The following CST9L variants were observed in gnomAD, a reference collection of about 807,000 sequenced individuals.
The protein encoded by CST9L is cystatin 9 like.
CST9L carries 17 observed loss-of-function variants against 13.2 expected under a neutral mutation model. The ratio of observed to expected loss-of-function variants is 1.29; its 90% confidence interval spans 0.88 to 1.93. The LOEUF (loss-of-function observed/expected upper bound fraction) is 1.93. Among genes scored for constraint, CST9L ranks in the 30% most tolerant of loss-of-function variants. CST9L has a pLI of 0.00. For missense variants in CST9L, 170 were observed against 170.5 expected, an observed-to-expected ratio of 1.00 and a Z score of 0.02; for synonymous variants, 78 against 69.1, an observed-to-expected ratio of 1.13 and a Z score of -0.64.
rs755170627 is a variant in CST9L, at chr20:23,565,055, G to A, written c.355-18C>T. The A allele has an allele frequency of 6.3e-7, 1 of 1,586,156 alleles. No homozygotes were observed. ...GTGAAAGTCTGAGAGAACAAGCACA[G>A]GAAGGGACAGTGGGTGAGGGAGGCT... On this transcript the variant is annotated intron_variant, in intron 2 of 2. Transcript: ENST00000376979.
In CST9L at chr20:23,568,257, T is replaced by C; in HGVS notation, c.194A>G (p.Tyr65Cys). ...GATGTGCCCCAGTCTGTAGGCATAG[T>C]AGTCCTTGCTCTGTTGGTTGAATGT... ...VHTFNQQSKD[Y>C]YAYRLGHILN... Residue 65 changes from tyrosine (Y) to cysteine (C), a missense_variant, in exon 1 of 3, where the codon TAC (tyrosine) becomes TGC (cysteine). By Grantham distance (194) the Tyr-to-Cys change is radical. Coordinates refer to ENST00000376979, the MANE Select transcript of CST9L (RefSeq NM_080610.3). 1 of 1,614,146 alleles carries C rather than the reference T, an allele frequency of 6.2e-7. No homozygotes were observed.
At chr20:23,567,769 G>T (rs1198838662) in intron 1 of CST9L, among the ~76,000 whole-genome samples, 1 of 151,934 alleles carries the variant, frequency 6.6e-6, no homozygotes, top group Non-Finnish European at 1.5e-5. Context: ...ACTGGTGGGG[G>T]TTTCTTATTG....
intron 2 of CST9L, among the ~76,000 whole-genome samples, chr20:23,565,563 G>A (rs1363805822): frequency 2.6e-5 from 4 of 152,148 alleles, no homozygotes; most frequent in African/African-American, 9.7e-5. Flanking sequence ...GGGTCTAGGG[G>A]AGGGTAAGGA....
intron 2 of CST9L, 45 bp from the exon 3 acceptor site, chr20:23,565,082 A>C: frequency 5.1e-6 from 7 of 1,379,596 alleles, no homozygotes; most frequent in Non-Finnish European, 5.2e-6. Flanking sequence ...AGGGAGGCTC[A>C]GGAAGCTCAT....
rs45620935 is a variant in CST9L, at chr20:23,568,146, C to G, written c.240+65G>C. The G allele has an allele frequency of 7.7e-4, 1,215 of 1,581,694 alleles. 2 individuals carry two copies. Among genetic ancestry groups the G allele is most frequent in the Non-Finnish European group, 8.2e-4 (942 of 1,152,980 alleles). ...TCAATAAGACCCCCTGTCCCCACCCCACTCCCATTTTTCACTGAGCAGCAC... is the reference window on the plus strand; with the variant it reads ...TCAATAAGACCCCCTGTCCCCACCCGACTCCCATTTTTCACTGAGCAGCAC... On this transcript the variant is annotated intron_variant, in intron 1 of 2. Transcript: ENST00000376979.
chr20:23,566,650 C>T (rs1989099803), intron 1 of CST9L, among the ~76,000 whole-genome samples: 1 of 152,162 alleles, frequency 6.6e-6, no homozygotes, highest in African/African-American at 2.4e-5. Context: ...CTTTTGGAGG[C>T]TGGGGTGGGT....
chr20:23,567,871 T>C (rs1019354627), intron 1 of CST9L, among the ~76,000 whole-genome samples: 3 of 152,224 alleles, frequency 2.0e-5, no homozygotes, highest in Admixed American at 6.5e-5. Flanking sequence ...TCAATTTCTC[T>C]CTATTCACAT....
At position 23,568,069 on chromosome 20, in the gene CST9L, A is replaced by G. The variant is rs910214895; in HGVS notation, c.240+142T>C. The G allele has an allele frequency of 5.2e-6, 4 of 774,398 alleles. No individual in the cohort carries two copies. The African/African-American group carries it at 5.2e-5, about 10-fold the overall frequency. The allele number at this position is 774,398 out of a possible 1,614,324, so 48.0% of individuals were successfully genotyped here. On this transcript the variant is annotated intron_variant, in intron 1 of 2. Coordinates refer to ENST00000376979, the MANE Select transcript of CST9L (RefSeq NM_080610.3). ...ATGTTTTCAAAATCAAAAACTAACTAAACTACCTTGTATTTTCTTAAGTAT... is the reference window on the plus strand; with the variant it reads ...ATGTTTTCAAAATCAAAAACTAACTGAACTACCTTGTATTTTCTTAAGTAT...
Position 23,568,399 on chromosome 20 carries a change from G to A in CST9L, c.52C>T (p.Leu18Phe), listed in dbSNP as rs1213026066. ...GGLSWALLLL[L>F]LGSQILLIYA... is the part of the protein sequence containing the mutation. ...ATCAGCAGGATCTGGGAGCCTAAGA[G>A]AAGCAGCAGCAGCGCCCAGGACAGA... The change falls in exon 1 of 3, where the codon CTC (leucine) becomes TTC (phenylalanine). Residue 18 changes from leucine (L) to phenylalanine (F), a missense_variant. Coordinates refer to ENST00000376979, the MANE Select transcript of CST9L (RefSeq NM_080610.3). 6.2e-7 allele frequency: 1 copy of A among 1,614,092 alleles called. No homozygotes were observed. The highest frequency in any genetic ancestry group is 8.5e-7 in the Non-Finnish European group (1 of 1,180,042).
chr20:23,567,692 C>T (rs1346788647), intron 1 of CST9L, among the ~76,000 whole-genome samples: 1 of 152,116 alleles, frequency 6.6e-6, no homozygotes, highest in Non-Finnish European at 1.5e-5. Flanking sequence ...TAAGTGCAGA[C>T]ACACCAAGGA....
At chr20:23,565,864 G>A (rs1489919041) in intron 2 of CST9L, 110 bp downstream of exon 2, 6 of 757,070 alleles carry the variant, frequency 7.9e-6, no homozygotes, top group Admixed American at 3.5e-5. Flanking sequence ...GGTAGAGGCT[G>A]CTGCAGGCTC....
intron 1 of CST9L, among the ~76,000 whole-genome samples, chr20:23,567,341 C>G (rs1989112223): frequency 1.3e-5 from 2 of 151,926 alleles, no homozygotes; most frequent in South Asian, 4.2e-4. Flanking sequence ...AACCCTGTCT[C>G]TACTAAAAAT....
In CST9L at chr20:23,566,077, T is replaced by C. The variant is rs777898227; in HGVS notation, c.251A>G (p.Lys84Arg). Reference sequence around the variant, plus strand: ...CAGTAGCTCCATTGAGAATACAGTCTTGGACTCCACCTATTGCACACAGAG... The same window carrying C: ...CAGTAGCTCCATTGAGAATACAGTCCTGGACTCCACCTATTGCACACAGAG... ...LNSWKEQVES[K>R]TVFSMELLLG... is the part of the protein sequence containing the mutation. Residue 84 changes from lysine to arginine, a missense_variant, in exon 2 of 3, where the codon AAG (lysine) becomes AGG (arginine). Lys to Arg is a conservative substitution (Grantham distance 26). Transcript: ENST00000376979. 3.2e-6 allele frequency: 5 copies of C among 1,584,138 alleles called. No individual in the cohort carries two copies. In the Admixed American group the frequency reaches 8.3e-5, roughly 26 times the overall value.
chr20:23,567,556 T>C lies in CST9L; in HGVS notation c.240+655A>G, dbSNP rs956620448. On this transcript the variant is annotated intron_variant, in intron 1 of 2. Coordinates refer to ENST00000376979, the MANE Select transcript of CST9L (RefSeq NM_080610.3). Reference sequence around the variant, plus strand: ...CTCAACTTGGTGACTATTTTCATTGTTCATGCCTACAGCACAGATGAACTG... The same window carrying C: ...CTCAACTTGGTGACTATTTTCATTGCTCATGCCTACAGCACAGATGAACTG... Among the ~76,000 whole-genome samples the C allele has an allele frequency of 2.0e-5, 3 of 151,726 alleles. No homozygotes were observed. The East Asian group carries it at 5.8e-4, about 29-fold the overall frequency.
chr20:23,568,091 G>C (rs1317568022), intron 1 of CST9L, 120 bp downstream of exon 1: 1 of 961,892 alleles, frequency 1.0e-6, no homozygotes, highest in Non-Finnish European at 1.6e-6. Context: ...ATTTTCTTAA[G>C]TATGGACTAC....
intron 2 of CST9L, 138 bp from the exon 3 acceptor site, chr20:23,565,175 A>G (rs1470975730): frequency 4.4e-6 from 3 of 683,386 alleles, no homozygotes; most frequent in Non-Finnish European, 8.0e-6. Context: ...TCTGGCTATC[A>G]TGTGCTGCCC....
rs746828326 is a variant in CST9L at position 23,566,010 on chromosome 20, G to T, written c.318C>A (p.Asp106Glu). 10 of 1,608,584 alleles carry T rather than the reference G, an allele frequency of 6.2e-6. No homozygotes were observed. The highest frequency in any genetic ancestry group is 8.5e-6 in the Non-Finnish European group (10 of 1,174,888). Residue 106 changes from aspartate to glutamate, a missense_variant, in exon 2 of 3, where the codon GAC (aspartate) becomes GAA (glutamate). Transcript: ENST00000376979. ...TRCGKFEDDI[D>E]NCHFQESTEL... ...CTGTGCTTTCTTGGAAATGGCAGTT[G>T]TCAATGTCGTCTTCAAATTTCCCAC...
chr20:23,568,361 A>G lies in CST9L; in HGVS notation c.90T>C (p.His30=). The change falls in exon 1 of 3, where the codon CAT becomes CAC. Residue 30 remains histidine (H), a synonymous_variant. Coordinates refer to ENST00000376979, the MANE Select transcript of CST9L (RefSeq NM_080610.3). ...CATCACAGTCCCTTTGCTCGTGGAA[A>G]TGCCAGGCATAGATCAGCAGGATCT... ...GSQILLIYAW[H]FHEQRDCDEH... 6.2e-7 allele frequency: 1 copy of G among 1,614,200 alleles called. No homozygotes were observed. The highest frequency in any genetic ancestry group is 1.1e-5 in the South Asian group (1 of 91,086).
chr20:23,568,115 G>A, intron 1 of CST9L, 96 bp downstream of exon 1: 3 of 1,282,474 alleles, frequency 2.3e-6, no homozygotes, highest in South Asian at 1.3e-5. Context: ...TGGTGAACAA[G>A]ACTCTTCAAT....
Sources: gnomAD v4.1 joint callset for allele counts (sites outside exome capture counted in the v4.1 genomes callset) on GRCh38, gnomAD v4.1.1 for gene constraint, MANE v1.5 for transcripts, NCBI Gene and HGNC (gene_info 2026-07-23, HGNC 2026-07-21) for gene names.